Variants in ABHD17B observed in about 807,000 individuals in gnomAD.
The protein encoded by ABHD17B is alpha/beta hydrolase domain-containing protein 17B.
ABHD17B carries 9 observed loss-of-function variants against 26.2 expected under a neutral mutation model. The observed-to-expected ratio is 0.34, with a 90% CI of 0.21 to 0.60. The LOEUF is 0.60. Among genes scored for constraint, ABHD17B ranks in the 20% least tolerant of loss-of-function variants. The pLI, the probability that ABHD17B is intolerant of heterozygous loss-of-function variation, is 0.80. For missense variants in ABHD17B, 224 were observed against 352.1 expected, an observed-to-expected ratio of 0.64 and a Z score of 2.91; for synonymous variants, 127 against 122.3, an observed-to-expected ratio of 1.04 and a Z score of -0.25.
chr9:71,903,281 A>G (rs898639676), intron 1 of ABHD17B, among the ~76,000 whole-genome samples: 8 of 152,114 alleles, frequency 5.3e-5, no homozygotes, highest in Non-Finnish European at 8.8e-5. Context: ...CAGACACTAT[A>G]AGAAGCTTCT....
intron 1 of ABHD17B, among the ~76,000 whole-genome samples, chr9:71,889,163 A>G (rs1465270640): frequency 2.0e-5 from 3 of 151,860 alleles, no homozygotes; most frequent in Admixed American, 2.0e-4. Context: ...AAAAATACAA[A>G]AAAATTAGCC....
chr9:71,903,962 T>G (rs904273269), intron 1 of ABHD17B, among the ~76,000 whole-genome samples: 3 of 152,194 alleles, frequency 2.0e-5, no homozygotes, highest in Non-Finnish European at 4.4e-5. Flanking sequence ...CTTGTCAAGT[T>G]CACACAACTT....
At chr9:71,892,626 A>G (rs1365564909) in intron 1 of ABHD17B, among the ~76,000 whole-genome samples, 1 of 151,276 alleles carries the variant, frequency 6.6e-6, no homozygotes, top group Non-Finnish European at 1.5e-5. Flanking sequence ...ATTTATAAAC[A>G]TAAATTTACA....
intron 1 of ABHD17B, among the ~76,000 whole-genome samples, chr9:71,908,346 C>T (rs1029255935): frequency 2.7e-5 from 4 of 148,622 alleles, no homozygotes; most frequent in African/African-American, 1.0e-4. Context: ...GAGCCGAGAT[C>T]GCGCCATTGC....
rs564940013 is a variant in ABHD17B, at chr9:71,876,661, A to G, written c.-3-1578T>C. 7.2e-5 allele frequency among the ~76,000 whole-genome samples: 11 copies of G among 152,098 alleles called. No homozygotes were observed. In the South Asian group the frequency reaches 2.1e-3, roughly 29 times the overall value. ...TAGGGGGAAAAAAGTACCCTATTAC[A>G]CCAAAAATGGGAAGAAAACAACTCA... On this transcript the variant is annotated intron_variant, in intron 1 of 3. Coordinates refer to ENST00000333421, the MANE Select transcript of ABHD17B (RefSeq NM_001025780.3).
intron 1 of ABHD17B, 68 bp from the exon 2 acceptor site, chr9:71,875,151 A>C (rs1159072114): frequency 8.0e-7 from 1 of 1,245,164 alleles, no homozygotes; most frequent in African/African-American, 1.5e-5. Flanking sequence ...AAAAAGTTAA[A>C]ACACAGACAT....
chr9:71,869,991 T>C (rs1397677778), intron 3 of ABHD17B, 92 bp downstream of exon 3: 1 of 1,177,122 alleles, frequency 8.5e-7, no homozygotes, highest in Non-Finnish European at 1.2e-6. Flanking sequence ...AAATGAAGTT[T>C]ATGGTTGAGT....
At chr9:71,865,118 G>A, downstream of ABHD17B, 1 of 975,614 alleles carries the variant, frequency 1.0e-6, no homozygotes, top group East Asian at 1.1e-4. Context: ...TAGTGTGGGG[G>A]TGGGGAGCAT....
chr9:71,879,206 A>G (rs562900352), intron 1 of ABHD17B, among the ~76,000 whole-genome samples: 8 of 152,306 alleles, frequency 5.3e-5, no homozygotes, highest in African/African-American at 1.9e-4. Flanking sequence ...AGGGACTTCT[A>G]TGAGATATCT....
intron 1 of ABHD17B, among the ~76,000 whole-genome samples, chr9:71,904,023 T>A (rs184467242): frequency 1.3e-5 from 2 of 152,218 alleles, no homozygotes; most frequent in African/African-American, 4.8e-5. Flanking sequence ...CCATATTCTA[T>A]CCACTCTTCC....
At chr9:71,891,396 T>C (rs1358448179) in intron 1 of ABHD17B, among the ~76,000 whole-genome samples, 1 of 152,212 alleles carries the variant, frequency 6.6e-6, no homozygotes, top group African/African-American at 2.4e-5. Flanking sequence ...TTTTCTTCTA[T>C]TTCCTCTCCA....
rs1825943601 is a variant in ABHD17B, at chr9:71,865,855, C to T, written c.*932G>A. Reference sequence around the variant, plus strand: ...CAGCCTCAGTGACACAGCAAGACTCCATCTCAAAAAATGAAAAAAATAGCC... The same window carrying T: ...CAGCCTCAGTGACACAGCAAGACTCTATCTCAAAAAATGAAAAAAATAGCC... On this transcript the variant is annotated 3_prime_UTR_variant, in exon 4 of 4. Transcript: ENST00000333421. 10 of 979,560 alleles carry T rather than the reference C, an allele frequency of 1.0e-5. No individual in the cohort carries two copies. Among genetic ancestry groups the T allele is most frequent in the Non-Finnish European group, 1.2e-5 (10 of 824,766 alleles). The allele number at this position is 979,560 out of a possible 1,614,324, so 60.7% of individuals were successfully genotyped here. A position where few individuals can be genotyped will look rare whatever the true frequency, so the allele number is the denominator to read the frequency against.
chr9:71,867,956 C>T (rs1014429695), intron 3 of ABHD17B, among the ~76,000 whole-genome samples: 5 of 151,052 alleles, frequency 3.3e-5, no homozygotes, highest in African/African-American at 7.3e-5. Context: ...CCTGTAATCT[C>T]GGCACTTTGG....
chr9:71,872,968 C>T (rs1826156477), intron 2 of ABHD17B, among the ~76,000 whole-genome samples: 2 of 151,736 alleles, frequency 1.3e-5, no homozygotes, highest in Admixed American at 1.3e-4. Context: ...AACTTTATTA[C>T]ATTTCTTTGG....
At chr9:71,885,775 C>G (rs1474995433) in intron 1 of ABHD17B, among the ~76,000 whole-genome samples, 1 of 152,070 alleles carries the variant, frequency 6.6e-6, no homozygotes, top group East Asian at 1.9e-4. Context: ...TGACATGACT[C>G]CTGTCAATTT....
intron 2 of ABHD17B, among the ~76,000 whole-genome samples, chr9:71,874,171 G>A (rs1255817467): frequency 2.1e-5 from 3 of 144,958 alleles, no homozygotes; most frequent in Non-Finnish European, 4.6e-5. Flanking sequence ...TTTGTCACTG[G>A]ATTTAATTTT....
intron 1 of ABHD17B, among the ~76,000 whole-genome samples, chr9:71,881,757 G>A (rs1826447698): frequency 6.6e-6 from 1 of 151,962 alleles, no homozygotes; most frequent in Non-Finnish European, 1.5e-5. Flanking sequence ...ATGGTGGCAC[G>A]TGCCTGTATT....
At chr9:71,884,818 TA>T (rs560275436) in intron 1 of ABHD17B, among the ~76,000 whole-genome samples, 1 of 152,060 alleles carries the variant, frequency 6.6e-6, no homozygotes, top group Non-Finnish European at 1.5e-5. Flanking sequence ...TAATATTTCT[TA>T]AATGAATGAG....
At chr9:71,906,252 T>C (rs1827279506) in intron 1 of ABHD17B, among the ~76,000 whole-genome samples, 1 of 152,208 alleles carries the variant, frequency 6.6e-6, no homozygotes, top group Admixed American at 6.5e-5. Context: ...ATGCAATCAT[T>C]GTGTAAAGAG....
Sources: gnomAD v4.1 joint callset for allele counts (sites outside exome capture counted in the v4.1 genomes callset) on GRCh38, gnomAD v4.1.1 for gene constraint, MANE v1.5 for transcripts, NCBI Gene and HGNC (gene_info 2026-07-23, HGNC 2026-07-21) for gene names.